The following FREM1 variants were observed in gnomAD, a reference collection of about 807,000 sequenced individuals.
FREM1 encodes FRAS1 related extracellular matrix 1.
A neutral mutation model predicts 210.1 loss-of-function variants in FREM1; 220 were observed. The ratio of observed to expected loss-of-function variants is 1.05; its 90% CI spans 0.94 to 1.17. The LOEUF (loss-of-function observed/expected upper bound fraction) is 1.17. FREM1 is among the 50% of genes most tolerant of loss of function. The pLI, the probability that FREM1 is intolerant of heterozygous loss-of-function variation, is 0.00. For synonymous variants in FREM1, 1,189 were observed against 980.2 expected (o/e 1.21, Z -3.98); for missense variants, 3,454 against 2,675.5 (o/e 1.29, Z -6.42).
Position 14,756,408 on chromosome 9 carries a change from G to C in FREM1, c.5373C>G (p.Thr1791=). The change falls in exon 29 of 37, where the codon ACC becomes ACG. Residue 1791 remains threonine (T), a synonymous_variant. Transcript: ENST00000380880. ...ACTGAATCAGTTTAGATGGAATCAC[G>C]GTGAAATCTTTTCCAACTGCAGCTG... is the stretch of plus-strand genomic sequence containing the variant. ...QVSAAVGKDF[T]VIPSKLIQFD... The C allele has an allele frequency of 2.5e-6, 4 of 1,602,122 alleles. No homozygotes were observed. The highest frequency in any genetic ancestry group is 3.4e-6 in the Non-Finnish European group (4 of 1,174,042).
At position 14,792,852 on chromosome 9, in the gene FREM1, G is replaced by A. The variant is rs574640129; in HGVS notation, c.3872C>T (p.Thr1291Ile). 3 of 1,593,480 alleles carry A rather than the reference G, an allele frequency of 1.9e-6. No individual in the cohort carries two copies. Among genetic ancestry groups the A allele is most frequent in the Non-Finnish European group, 2.6e-6 (3 of 1,168,436 alleles). ...AAGAATAGCACTGGAAATAATACGA[G>A]TTTCACCCATATTCATTGCAATTTC... ...KAEIAMNMGETRIISSAILSA... is the reference protein window; with the variant it reads ...KAEIAMNMGEIRIISSAILSA... The change falls in exon 22 of 37, where the codon ACT becomes ATT. Residue 1291 changes from threonine (T) to isoleucine (I), a missense_variant. Transcript: ENST00000380880.
intron 1 of FREM1, among the ~76,000 whole-genome samples, chr9:14,869,760 A>C (rs1175750485): frequency 6.6e-6 from 1 of 152,240 alleles, no homozygotes; most frequent in African/African-American, 2.4e-5. Flanking sequence ...TTTGCTGGGC[A>C]ATGAAGACAC....
intron 1 of FREM1, among the ~76,000 whole-genome samples, chr9:14,900,262 G>T (rs1838539130): frequency 6.6e-6 from 1 of 152,120 alleles, no homozygotes; most frequent in South Asian, 2.1e-4. Context: ...GTCTGAGTGG[G>T]GCCCAGGCAT....
Position 14,784,372 on chromosome 9 carries a change from G to A in FREM1, c.4440C>T (p.Phe1480=). ...TGAAAAGTTTCCATGGGGCTCACCT[G>A]AATCTGTCACTGGAGACAGTCACCT... ...KSKVTVSSDR[F]RFIISNGLRT... Residue 1480 remains phenylalanine, a splice_region_variant and synonymous_variant, in exon 24 of 37, where the codon TTC becomes TTT. Transcript: ENST00000380880. 1 of 1,612,774 alleles carries A rather than the reference G, an allele frequency of 6.2e-7. No individual in the cohort carries two copies. The highest frequency in any genetic ancestry group is 8.5e-7 in the Non-Finnish European group (1 of 1,179,066).
intron 15 of FREM1, 121 bp from the exon 16 acceptor site, chr9:14,813,185 A>C (rs1588132340): frequency 1.4e-5 from 15 of 1,098,132 alleles, no homozygotes; most frequent in Non-Finnish European, 1.3e-6. Flanking sequence ...ACATGAAACA[A>C]CAGCCGTGAA....
Position 14,819,359 on chromosome 9 carries a change from G to T in FREM1, c.2421C>A (p.Thr807=), listed in dbSNP as rs749193542. ...GGGAGAGGTCAATATTGTCCAGCTT[G>T]GTATCTGCATCAGAAATTAGAATGT... The part of the protein sequence containing the change: ...TEHILISDAD[T]KLDNIDLSLR... Residue 807 remains threonine (T), a synonymous_variant, in exon 14 of 37, where the codon ACC becomes ACA. Coordinates refer to ENST00000380880, the MANE Select transcript of FREM1 (RefSeq NM_001379081.2). The T allele has an allele frequency of 6.2e-7, 1 of 1,613,190 alleles. No individual in the cohort carries two copies. Among genetic ancestry groups the T allele is most frequent in the Non-Finnish European group, 8.5e-7 (1 of 1,179,358 alleles).
intron 11 of FREM1, among the ~76,000 whole-genome samples, chr9:14,824,453 C>T (rs76721929): frequency 0.012 from 1,763 of 152,202 alleles, 33 homozygotes; most frequent in African/African-American, 0.04. Context: ...TAGAATGTAA[C>T]GATTTCATGG....
At chr9:14,884,092 G>A (rs1835327832) in intron 1 of FREM1, among the ~76,000 whole-genome samples, 1 of 152,170 alleles carries the variant, frequency 6.6e-6, no homozygotes. Context: ...AGCCGGGCGT[G>A]GTGGTGGGTG....
At chr9:14,792,090 A>T (rs185995880) in intron 22 of FREM1, among the ~76,000 whole-genome samples, 32 of 152,214 alleles carry the variant, frequency 2.1e-4, no homozygotes, top group Admixed American at 1.8e-3. Flanking sequence ...TGATCCGCCC[A>T]CCTTGGCCTC....
chr9:14,792,447 G>C (rs531274881), intron 22 of FREM1, among the ~76,000 whole-genome samples: 1 of 152,222 alleles, frequency 6.6e-6, no homozygotes, highest in East Asian at 1.9e-4. Context: ...AAAGATCCTG[G>C]ATTATCCTCA....
rs573862767 is a variant in FREM1 at position 14,856,915 on chromosome 9, T to A, written c.828+638A>T. On this transcript the variant is annotated intron_variant, in intron 5 of 36. Coordinates refer to ENST00000380880, the MANE Select transcript of FREM1 (RefSeq NM_001379081.2). ...TTTCCCCAATAAACAAATTATAGAG[T>A]TCATGAATCAGCAGCACTGCATGTT... Among the ~76,000 whole-genome samples the A allele has an allele frequency of 3.8e-4, 57 of 151,726 alleles. 1 individual carries two copies. In the South Asian group the frequency reaches 0.011, roughly 30 times the overall value.
In FREM1 at chr9:14,823,229, T is replaced by G; in HGVS notation, c.2268A>C (p.Gln756His). The change falls in exon 13 of 37, where the codon CAA (glutamine) becomes CAC (histidine). Residue 756 changes from glutamine (Q) to histidine (H), a missense_variant. Physicochemically the swap from Gln to His is conservative, Grantham distance 24. Coordinates refer to ENST00000380880, the MANE Select transcript of FREM1 (RefSeq NM_001379081.2). ...DVQFTFSVSN[Q>H]HGGTLHGICF... ...AGATCCCATGCAAAGTACCGCCATG[T>G]TGGTTACTGACAGAAAATGTGAACT... The G allele has an allele frequency of 6.2e-7, 1 of 1,613,972 alleles. No individual in the cohort carries two copies. Among genetic ancestry groups the G allele is most frequent in the Non-Finnish European group, 8.5e-7 (1 of 1,179,856 alleles).
At chr9:14,756,337 C>A (rs559188758) in intron 29 of FREM1, 37 bp downstream of exon 29, 30 of 1,457,270 alleles carry the variant, frequency 2.1e-5, no homozygotes, top group African/African-American at 5.7e-5. Flanking sequence ...AAACAAAAAA[C>A]AAAACACATA....
chr9:14,866,253 G>A (rs16932379), intron 2 of FREM1, among the ~76,000 whole-genome samples: 28,770 of 152,090 alleles, frequency 0.19, 3,312 homozygotes, highest in East Asian at 0.57. Flanking sequence ...TGACTTGCAG[G>A]CCTATTCCAA....
chr9:14,853,122 G>A (rs892550075), intron 5 of FREM1, among the ~76,000 whole-genome samples: 2 of 152,174 alleles, frequency 1.3e-5, no homozygotes, highest in African/African-American at 4.8e-5. Flanking sequence ...CATATCTCCT[G>A]TCCCTTAAAA....
At position 14,789,099 on chromosome 9, in the gene FREM1, C is replaced by T. The variant is rs1235811980; in HGVS notation, c.3997G>A (p.Val1333Ile). Residue 1333 changes from valine to isoleucine, a missense_variant, in exon 23 of 37, where the codon GTT (valine) becomes ATT (isoleucine). Physicochemically the swap from Val to Ile is conservative, Grantham distance 29. Transcript: ENST00000380880. ...CATTTCATGCCAGGGGAGAGAGGAA[C>T]CCAGTCCCTCCCTATCTGGAAGGAG... ...QLQLKIGRDW[V>I]PLSPGMKCTQ... 2 of 1,589,488 alleles carry T rather than the reference C, an allele frequency of 1.3e-6. No individual in the cohort carries two copies. The highest frequency in any genetic ancestry group is 1.7e-6 in the Non-Finnish European group (2 of 1,166,924).
chr9:14,888,894 G>A (rs1836286222), intron 1 of FREM1, among the ~76,000 whole-genome samples: 1 of 151,950 alleles, frequency 6.6e-6, no homozygotes, highest in Admixed American at 6.5e-5. Context: ...ATTAATTAAA[G>A]GACAAAAACA....
chr9:14,816,789 G>T lies in FREM1; in HGVS notation c.2629C>A (p.Leu877Ile). ...AACTTTCTACCCACCTCAACATGTA[G>T]TACAAATTCTGCTGAATTTGTGCCA... The part of the protein sequence containing the change: ...TDGTNSAEFV[L>I]HVEVFPVNDE... The change falls in exon 15 of 37, where the codon CTA (leucine) becomes ATA (isoleucine). Residue 877 changes from leucine (L) to isoleucine (I), a missense_variant. Physicochemically the swap from Leu to Ile is conservative, Grantham distance 5 (BLOSUM62 2). Coordinates refer to ENST00000380880, the MANE Select transcript of FREM1 (RefSeq NM_001379081.2). 2 of 1,415,230 alleles carry T rather than the reference G, an allele frequency of 1.4e-6. No individual in the cohort carries two copies. The highest frequency in any genetic ancestry group is 1.9e-6 in the Non-Finnish European group (2 of 1,056,598). 87.7% of individuals were successfully genotyped at this position (1,415,230 alleles called of 1,614,324 possible). A position where few individuals can be genotyped will look rare whatever the true frequency, so the allele number is the denominator to read the frequency against.
intron 13 of FREM1, among the ~76,000 whole-genome samples, chr9:14,821,932 A>G (rs2642409): frequency 0.8 from 120,926 of 151,994 alleles, 48,205 homozygotes; most frequent in East Asian, 0.93. Flanking sequence ...TGGTTTGGCC[A>G]TGTCCCTACC....
Sources: allele counts gnomAD v4.1 joint callset (sites outside exome capture counted in the v4.1 genomes callset), GRCh38; gene constraint gnomAD v4.1.1; transcripts MANE v1.5; gene names NCBI Gene and HGNC (gene_info 2026-07-23, HGNC 2026-07-21).